The following LCLAT1 variants were observed in gnomAD, a reference collection of about 807,000 sequenced individuals.
The protein encoded by LCLAT1 is 1-AGP acyltransferase 8.
In LCLAT1, 11 loss-of-function variants were observed where a neutral mutation model predicts 30.7. The observed-to-expected ratio is 0.36, with a 90% CI of 0.23 to 0.59. The LOEUF (loss-of-function observed/expected upper bound fraction) is 0.59, where lower values mean the gene tolerates loss of function less well. Ranked by LOEUF, LCLAT1 falls within the 20% of genes least tolerant of loss-of-function variation. The probability of loss-of-function intolerance (pLI) is 0.77; values close to 1 mark genes in which losing one functional copy is unlikely to be tolerated. For synonymous variants in LCLAT1, 155 were observed against 151.3 expected, an observed-to-expected ratio of 1.02 and a Z score of -0.18; for missense variants, 402 against 458.6, an observed-to-expected ratio of 0.88 and a Z score of 1.13.
chr2:30,468,507 A>G (rs192893861), intron 1 of LCLAT1, among the ~76,000 whole-genome samples: 40 of 144,014 alleles, frequency 2.8e-4, no homozygotes, highest in African/African-American at 1.0e-3. Flanking sequence ...AAAAATAGCC[A>G]TTTGATATAT....
At chr2:30,467,591 C>T (rs1350209009) in intron 1 of LCLAT1, among the ~76,000 whole-genome samples, 2 of 152,214 alleles carry the variant, frequency 1.3e-5, no homozygotes, top group Non-Finnish European at 2.9e-5. Context: ...ACATCCTCTC[C>T]AGCACCTGTT....
chr2:30,529,353 C>T (rs367640672), intron 2 of LCLAT1, among the ~76,000 whole-genome samples: 55 of 152,326 alleles, frequency 3.6e-4, no homozygotes, highest in African/African-American at 1.2e-3. Flanking sequence ...TTAGAGGTCA[C>T]TTTGTCTAAC....
intron 1 of LCLAT1, among the ~76,000 whole-genome samples, chr2:30,506,993 T>C (rs1168446068): frequency 2.6e-5 from 4 of 152,170 alleles, no homozygotes; most frequent in African/African-American, 9.7e-5. Flanking sequence ...CAGAATAATC[T>C]CAGTAATCAG....
intron 3 of LCLAT1, among the ~76,000 whole-genome samples, chr2:30,546,302 T>C (rs547226268): frequency 2.1e-4 from 32 of 152,328 alleles, no homozygotes; most frequent in African/African-American, 7.2e-4. Flanking sequence ...TGCCAAAATA[T>C]TAAATAATTT....
chr2:30,614,910 G>C (rs1432174237), intron 5 of LCLAT1, among the ~76,000 whole-genome samples: 1 of 152,130 alleles, frequency 6.6e-6, no homozygotes, highest in African/African-American at 2.4e-5. Context: ...AGCCAAGAGA[G>C]TAAGGTGACC....
chr2:30,572,143 A>G (rs1277769353), intron 5 of LCLAT1, among the ~76,000 whole-genome samples: 1 of 152,166 alleles, frequency 6.6e-6, no homozygotes, highest in Non-Finnish European at 1.5e-5. Context: ...AAGGGAATTC[A>G]TATTGTTTCT....
intron 5 of LCLAT1, among the ~76,000 whole-genome samples, chr2:30,601,002 A>AATC (rs1324399841): frequency 6.6e-6 from 1 of 151,826 alleles, no homozygotes; most frequent in Non-Finnish European, 1.5e-5. Flanking sequence ...TTTTTTCTCT[A>AATC]ATCTTAAATG....
chr2:30,589,790 G>A (rs1420731805), intron 5 of LCLAT1, among the ~76,000 whole-genome samples: 1 of 152,130 alleles, frequency 6.6e-6, no homozygotes, highest in African/African-American at 2.4e-5. Flanking sequence ...TATGAGTGGT[G>A]AACTTTTACC....
intron 3 of LCLAT1, among the ~76,000 whole-genome samples, chr2:30,538,591 C>T (rs181517121): frequency 6.6e-6 from 1 of 151,860 alleles, no homozygotes; most frequent in Non-Finnish European, 1.5e-5. Flanking sequence ...GCTGAGATTG[C>T]ACCACTGCAC....
intron 5 of LCLAT1, among the ~76,000 whole-genome samples, chr2:30,633,228 A>C (rs1222633562): frequency 2.0e-5 from 3 of 152,176 alleles, no homozygotes; most frequent in African/African-American, 4.8e-5. Flanking sequence ...AATGTACAAA[A>C]TCAGCAGCCT....
intron 1 of LCLAT1, among the ~76,000 whole-genome samples, chr2:30,464,006 A>G (rs1318257367): frequency 1.3e-5 from 2 of 152,216 alleles, no homozygotes; most frequent in East Asian, 1.9e-4. Context: ...GTAAAAATGT[A>G]TATGTGTTTT....
intron 5 of LCLAT1, among the ~76,000 whole-genome samples, chr2:30,619,616 T>C (rs1487111803): frequency 6.6e-6 from 1 of 152,202 alleles, no homozygotes; most frequent in East Asian, 1.9e-4. Context: ...CTGGGCTGAA[T>C]TAGAGGTCAG....
At chr2:30,500,841 G>A (rs967477995) in intron 1 of LCLAT1, among the ~76,000 whole-genome samples, 7 of 151,942 alleles carry the variant, frequency 4.6e-5, no homozygotes, top group Non-Finnish European at 1.0e-4. Flanking sequence ...TGACCCTCTC[G>A]GGCTTAAAAC....
intron 1 of LCLAT1, among the ~76,000 whole-genome samples, chr2:30,481,198 A>C (rs998660907): frequency 6.6e-6 from 1 of 152,162 alleles, no homozygotes; most frequent in Non-Finnish European, 1.5e-5. Context: ...TGGTAATTCG[A>C]TTTTTACTCT....
rs536062897 is a variant in LCLAT1, at chr2:30,523,596, AC to A, written c.-4-1990del. Among the ~76,000 whole-genome samples, 22 of 152,340 alleles carry A rather than the reference AC, an allele frequency of 1.4e-4. No individual in the cohort carries two copies. In the East Asian group the frequency reaches 4.2e-3, roughly 29 times the overall value. On this transcript the variant is annotated intron_variant, in intron 1 of 5. Coordinates refer to ENST00000379509, the MANE Select transcript of LCLAT1 (RefSeq NM_001002257.3). ...GAAATTTAAAAATAGTCGGCTGGGC[AC>A]AGTGGCTTACGCCTGTAATCCCAGC...
intron 1 of LCLAT1, among the ~76,000 whole-genome samples, chr2:30,477,177 C>A (rs1683085574): frequency 6.6e-6 from 1 of 152,024 alleles, no homozygotes; most frequent in African/African-American, 2.4e-5. Context: ...AGACATTTAC[C>A]ACCCTCTTTA....
At chr2:30,558,444 A>G (rs574326326) in intron 3 of LCLAT1, among the ~76,000 whole-genome samples, 47 of 152,176 alleles carry the variant, frequency 3.1e-4, no homozygotes, top group Non-Finnish European at 3.1e-4. Flanking sequence ...TACTAAAAAT[A>G]CAAAAATTAG....
chr2:30,455,736 G>C (rs1482526690), intron 1 of LCLAT1, among the ~76,000 whole-genome samples: 1 of 151,596 alleles, frequency 6.6e-6, no homozygotes, highest in Non-Finnish European at 1.5e-5. Context: ...GGGAGGCCCT[G>C]ACTCTATAAA....
chr2:30,565,752 T>C (rs943963624), intron 4 of LCLAT1, among the ~76,000 whole-genome samples: 2 of 152,158 alleles, frequency 1.3e-5, no homozygotes, highest in African/African-American at 4.8e-5. Flanking sequence ...CAGTCATAAG[T>C]GCTATGCAGA....
Sources: gnomAD v4.1 joint callset for allele counts (sites outside exome capture counted in the v4.1 genomes callset) on GRCh38, gnomAD v4.1.1 for gene constraint, MANE v1.5 for transcripts, NCBI Gene and HGNC (gene_info 2026-07-23, HGNC 2026-07-21) for gene names.